The following STAG1 variants were observed in gnomAD, a reference collection of about 807,000 sequenced individuals.
STAG1 encodes cohesin subunit SA-1.
In STAG1, 26 loss-of-function variants were observed where a neutral mutation model predicts 170.9. That is an observed-to-expected ratio of 0.15 (90% confidence interval 0.11 to 0.21). STAG1 has a LOEUF of 0.21. Among genes scored for constraint, STAG1 ranks in the 10% least tolerant of loss-of-function variants. STAG1 has a pLI of 1.00. For missense variants in STAG1, 964 were observed against 1,509.5 expected, an observed-to-expected ratio of 0.64 and a Z score of 5.99; for synonymous variants, 514 against 497.7, an observed-to-expected ratio of 1.03 and a Z score of -0.44.
intron 6 of STAG1, among the ~76,000 whole-genome samples, chr3:136,531,022 C>G (rs1343857219): frequency 3.3e-5 from 5 of 152,058 alleles, no homozygotes. Context: ...GGAGAATCAC[C>G]TGAACCCAGG....
At chr3:136,593,804 T>C (rs553936040) in intron 4 of STAG1, among the ~76,000 whole-genome samples, 1 of 152,346 alleles carries the variant, frequency 6.6e-6, no homozygotes, top group South Asian at 2.1e-4. Flanking sequence ...TCTTGTATTA[T>C]ACACTCAAGT....
intron 7 of STAG1, among the ~76,000 whole-genome samples, chr3:136,507,634 T>C (rs1174722950): frequency 2.6e-5 from 4 of 152,128 alleles, no homozygotes; most frequent in African/African-American, 4.8e-5. Flanking sequence ...TCCCAAAGTG[T>C]TGGAATTACA....
At chr3:136,374,692 A>T (rs1937516427) in intron 23 of STAG1, among the ~76,000 whole-genome samples, 1 of 152,146 alleles carries the variant, frequency 6.6e-6, no homozygotes, top group Admixed American at 6.5e-5. Context: ...AAAGAGTTTA[A>T]AAGTTAAAAA....
At chr3:136,527,414 T>C (rs985814594) in intron 6 of STAG1, among the ~76,000 whole-genome samples, 2 of 152,206 alleles carry the variant, frequency 1.3e-5, no homozygotes, top group Non-Finnish European at 2.9e-5. Context: ...ATTTGTCACG[T>C]AGTTCTAGTG....
chr3:136,557,902 T>C (rs1477192878), intron 5 of STAG1, among the ~76,000 whole-genome samples: 3 of 152,130 alleles, frequency 2.0e-5, no homozygotes, highest in Admixed American at 2.0e-4. Flanking sequence ...TTGGTTACAC[T>C]TAAAAATTTA....
chr3:136,448,753 A>G (rs1381002007), intron 14 of STAG1, among the ~76,000 whole-genome samples: 1 of 152,182 alleles, frequency 6.6e-6, no homozygotes, highest in East Asian at 1.9e-4. Context: ...AGCCTGGCCA[A>G]CATGGCGAAA....
At chr3:136,719,204 G>A (rs1933060586) in intron 1 of STAG1, among the ~76,000 whole-genome samples, 2 of 152,072 alleles carry the variant, frequency 1.3e-5, no homozygotes, top group Non-Finnish European at 2.9e-5. Flanking sequence ...AGAAAGTATT[G>A]AAACATGCCT....
intron 4 of STAG1, among the ~76,000 whole-genome samples, chr3:136,587,457 T>C: frequency 6.7e-6 from 1 of 149,042 alleles, no homozygotes; most frequent in Non-Finnish European, 1.5e-5. Flanking sequence ...GGAGAATCGC[T>C]TGAACCTGGA....
chr3:136,705,424 C>CACACTT (rs1553769204), intron 1 of STAG1, among the ~76,000 whole-genome samples: 1 of 131,140 alleles, frequency 7.6e-6, no homozygotes, highest in African/African-American at 2.9e-5. Flanking sequence ...CACACACACA[C>CACACTT]AACGAAGTTC....
At chr3:136,477,238 A>C in intron 10 of STAG1, 51 bp downstream of exon 10, 2 of 1,537,498 alleles carry the variant, frequency 1.3e-6, no homozygotes, top group Non-Finnish European at 1.7e-6. Context: ...CCAGCATTTT[A>C]GTACTGAGAC....
Position 136,479,627 on chromosome 3 carries a change from G to C in STAG1, c.903-2215C>G, listed in dbSNP as rs1331449198. 5.3e-5 allele frequency among the ~76,000 whole-genome samples: 3 copies of C among 56,602 alleles called. No homozygotes were observed. In the Admixed American group the frequency reaches 6.4e-4, roughly 12 times the overall value. The allele number at this position is 56,602 out of a possible 152,430, so 37.1% of individuals were successfully genotyped here. The stretch of plus-strand genomic sequence containing the variant: ...ATGGCTGGGTCAAATGGTATTTCTA[G>C]TTCTAGATCCCTGAGGAATCGCCAC... On this transcript the variant is annotated intron_variant, in intron 9 of 33. Transcript: ENST00000383202.
At chr3:136,556,566 A>G (rs926692650) in intron 5 of STAG1, among the ~76,000 whole-genome samples, 1 of 145,134 alleles carries the variant, frequency 6.9e-6, no homozygotes, top group Admixed American at 6.8e-5. Context: ...AGAACTTGAC[A>G]TTCGTTTTTT....
chr3:136,631,524 G>C (rs1440683098), intron 1 of STAG1, among the ~76,000 whole-genome samples: 4 of 152,338 alleles, frequency 2.6e-5, no homozygotes, highest in African/African-American at 9.6e-5. Flanking sequence ...GACACCAACA[G>C]CAAGAGTCAA....
At chr3:136,406,795 A>T (rs1014441215) in intron 21 of STAG1, among the ~76,000 whole-genome samples, 2 of 152,058 alleles carry the variant, frequency 1.3e-5, no homozygotes, top group Non-Finnish European at 2.9e-5. Flanking sequence ...AGCGTGAAAA[A>T]CTCAAGTAAA....
intron 1 of STAG1, among the ~76,000 whole-genome samples, chr3:136,737,797 C>T (rs1369088158): frequency 1.3e-5 from 2 of 152,162 alleles, no homozygotes; most frequent in Non-Finnish European, 1.5e-5. Flanking sequence ...AGGCCAGGCG[C>T]GGTGGCTCAC....
intron 13 of STAG1, among the ~76,000 whole-genome samples, chr3:136,458,500 A>T (rs1157423314): frequency 6.6e-6 from 1 of 152,206 alleles, no homozygotes; most frequent in Non-Finnish European, 1.5e-5. Flanking sequence ...TACAAGCCTC[A>T]GTGTAATCAC....
intron 12 of STAG1, among the ~76,000 whole-genome samples, chr3:136,469,273 A>C (rs559818700): frequency 2.6e-5 from 4 of 152,216 alleles, no homozygotes; most frequent in Admixed American, 2.0e-4. Flanking sequence ...GCTGATAAGC[A>C]ACTTCAGCAA....
intron 6 of STAG1, among the ~76,000 whole-genome samples, chr3:136,537,604 G>C (rs755026134): frequency 6.6e-6 from 1 of 150,428 alleles, no homozygotes; most frequent in Admixed American, 6.6e-5. Flanking sequence ...GGGTTCAAGT[G>C]ATTCTCCTGC....
Position 136,751,400 on chromosome 3 carries a change from A to G in STAG1, c.-84+795T>C, listed in dbSNP as rs995630084. ...CAAACGGGGCTCAGGTCCAACTCCAAGCACTCTAGTTTCCCACCCCGCCCC... is the reference window on the plus strand; with the variant it reads ...CAAACGGGGCTCAGGTCCAACTCCAGGCACTCTAGTTTCCCACCCCGCCCC... On this transcript the variant is annotated intron_variant, in intron 1 of 33. Transcript: ENST00000383202. 3.3e-5 allele frequency among the ~76,000 whole-genome samples: 5 copies of G among 152,166 alleles called. No homozygotes were observed. In the East Asian group the frequency reaches 9.6e-4, roughly 29 times the overall value.
Sources: gnomAD v4.1 joint callset for allele counts (sites outside exome capture counted in the v4.1 genomes callset) on GRCh38, gnomAD v4.1.1 for gene constraint, MANE v1.5 for transcripts, NCBI Gene and HGNC (gene_info 2026-07-23, HGNC 2026-07-21) for gene names.